The following TMEM87B variants were observed in gnomAD, a reference collection of about 807,000 sequenced individuals.
The protein encoded by TMEM87B is transmembrane protein 87B.
In TMEM87B, 83 loss-of-function variants were observed where a neutral mutation model predicts 80.3. That is an observed-to-expected ratio of 1.03 (90% confidence interval 0.87 to 1.24). The LOEUF (loss-of-function observed/expected upper bound fraction) is 1.24. Ranked by LOEUF, TMEM87B falls within the 50% of genes most tolerant of loss-of-function variation. TMEM87B has a pLI of 0.00. For synonymous variants in TMEM87B, 219 were observed against 230.5 expected, an observed-to-expected ratio of 0.95 and a Z score of 0.45; for missense variants, 625 against 674.4, an observed-to-expected ratio of 0.93 and a Z score of 0.81.
At chr2:112,066,099 T>C (rs1409089534) in intron 3 of TMEM87B, among the ~76,000 whole-genome samples, 1 of 152,256 alleles carries the variant, frequency 6.6e-6, no homozygotes, top group Non-Finnish European at 1.5e-5. Context: ...TGAAACTATG[T>C]AAATATGTTG....
Position 112,116,152 on chromosome 2 carries a change from C to G in TMEM87B, c.*9C>G, listed in dbSNP as rs540102464. The G allele has an allele frequency of 3.7e-6, 6 of 1,609,524 alleles. No individual in the cohort carries two copies. In the Admixed American group the frequency reaches 5.0e-5, roughly 13 times the overall value. ...CAGAAAAGATAATGTGATTGGAACC[C>G]GTATAAGAAATGTAGTTAAGCCTGA... On this transcript the variant is annotated 3_prime_UTR_variant, in exon 19 of 19. Transcript: ENST00000283206.
At chr2:112,100,003 T>TATA (rs1466489694) in intron 14 of TMEM87B, among the ~76,000 whole-genome samples, 1 of 152,234 alleles carries the variant, frequency 6.6e-6, no homozygotes, top group Non-Finnish European at 1.5e-5. Context: ...ATATAATTTA[T>TATA]ATAAGCAGTC....
At chr2:112,097,532 C>T (rs1679507073) in intron 13 of TMEM87B, among the ~76,000 whole-genome samples, 1 of 151,988 alleles carries the variant, frequency 6.6e-6, no homozygotes, top group African/African-American at 2.4e-5. Flanking sequence ...CGAGACCATC[C>T]TGGCTAACAC....
chr2:112,091,347 T>A (rs1679294661), intron 10 of TMEM87B, among the ~76,000 whole-genome samples: 1 of 152,200 alleles, frequency 6.6e-6, no homozygotes, highest in African/African-American at 2.4e-5. Context: ...ACTTTTTCTG[T>A]GTCCCTTCAC....
chr2:112,086,761 G>A (rs961836138), intron 9 of TMEM87B, among the ~76,000 whole-genome samples: 1 of 152,146 alleles, frequency 6.6e-6, no homozygotes, highest in African/African-American at 2.4e-5. Flanking sequence ...TGGCTTCACA[G>A]GTGTCGTCCT....
intron 3 of TMEM87B, among the ~76,000 whole-genome samples, chr2:112,066,355 G>A (rs1245087106): frequency 6.6e-6 from 1 of 152,142 alleles, no homozygotes; most frequent in African/African-American, 2.4e-5. Context: ...ATCTATTACT[G>A]TTTTTATATA....
chr2:112,110,835 C>T (rs761892467), intron 17 of TMEM87B, among the ~76,000 whole-genome samples: 2 of 152,010 alleles, frequency 1.3e-5, no homozygotes, highest in African/African-American at 4.8e-5. Flanking sequence ...AAACAATGAT[C>T]GTTCAAGGGT....
rs771237316 is a variant in TMEM87B, at chr2:112,097,123, T to G, written c.1184T>G (p.Phe395Cys). ...NTVKFSLYRH[F>C]KNTLIFAVLA... ...GTGAAATTTTCATTATATAGACATT[T>G]TAAAAATACTCTGATCTTTGCTGTG... The change falls in exon 12 of 19, where the codon TTT (phenylalanine) becomes TGT (cysteine). Residue 395 changes from phenylalanine to cysteine, a missense_variant. Physicochemically the swap from Phe to Cys is radical, Grantham distance 205. Coordinates refer to ENST00000283206, the MANE Select transcript of TMEM87B (RefSeq NM_032824.3). 6.2e-7 allele frequency: 1 copy of G among 1,609,232 alleles called. No individual in the cohort carries two copies. The highest frequency in any genetic ancestry group is 8.5e-7 in the Non-Finnish European group (1 of 1,178,406).
intron 4 of TMEM87B, among the ~76,000 whole-genome samples, chr2:112,070,207 T>C (rs1206750736): frequency 6.6e-6 from 1 of 152,226 alleles, no homozygotes; most frequent in Non-Finnish European, 1.5e-5. Context: ...TTTGCTTTTG[T>C]TGCAATTGCT....
chr2:112,081,920 A>C (rs959150527), intron 8 of TMEM87B, among the ~76,000 whole-genome samples: 7 of 152,148 alleles, frequency 4.6e-5, no homozygotes, highest in Admixed American at 2.0e-4. Flanking sequence ...AATTGGCCGC[A>C]GGGAGTAAAA....
intron 11 of TMEM87B, among the ~76,000 whole-genome samples, chr2:112,093,847 A>C (rs541659817): frequency 6.6e-6 from 1 of 152,188 alleles, no homozygotes; most frequent in Non-Finnish European, 1.5e-5. Context: ...TCCTGCCTTG[A>C]GAATGGGCAG....
rs375022070 is a variant in TMEM87B at position 112,105,869 on chromosome 2, T to C, written c.1451-133T>C. ...ACATTCCCAAATGGTAAATCCAGCA[T>C]CCTGCCTAAAGTTTCCATTATTAAC... On this transcript the variant is annotated intron_variant, in intron 15 of 18. Transcript: ENST00000283206. 36 of 562,750 alleles carry C rather than the reference T, an allele frequency of 6.4e-5. No homozygotes were observed. In the South Asian group the frequency reaches 7.0e-4, roughly 11 times the overall value. The allele number at this position is 562,750 out of a possible 1,614,324, so 34.9% of individuals were successfully genotyped here. A position where few individuals can be genotyped will look rare whatever the true frequency, so the allele number is the denominator to read the frequency against.
chr2:112,112,008 C>G (rs562432548), intron 17 of TMEM87B, among the ~76,000 whole-genome samples: 83 of 152,280 alleles, frequency 5.5e-4, no homozygotes, highest in African/African-American at 1.9e-3. Context: ...CGTCTTCTCC[C>G]CCATATTTTC....
At chr2:112,071,463 G>A (rs376342401) in intron 4 of TMEM87B, among the ~76,000 whole-genome samples, 14 of 152,074 alleles carry the variant, frequency 9.2e-5, no homozygotes, top group South Asian at 4.1e-4. Context: ...GACCATGCCC[G>A]GCTAATTTTT....
intron 14 of TMEM87B, among the ~76,000 whole-genome samples, chr2:112,100,386 T>G (rs1166031872): frequency 2.0e-5 from 3 of 152,224 alleles, no homozygotes; most frequent in African/African-American, 7.2e-5. Flanking sequence ...GCAAAATTGC[T>G]TTGCAGAAAG....
rs1023890882 is a variant in TMEM87B, at chr2:112,100,647, G to T, written c.1402G>T (p.Asp468Tyr). The part of the protein sequence containing the change: ...QRYAFMPLID[D>Y]SDDEIEEFMV... The stretch of plus-strand genomic sequence containing the variant: ...ATATGCCTTCATGCCCTTAATAGAT[G>T]ATTCTGATGATGAAATTGAGGAATT... The change falls in exon 15 of 19, where the codon GAT (aspartate) becomes TAT (tyrosine). Residue 468 changes from aspartate to tyrosine, a missense_variant. By Grantham distance (160) the Asp-to-Tyr change is radical. Transcript: ENST00000283206. The T allele has an allele frequency of 3.1e-6, 5 of 1,609,920 alleles. No individual in the cohort carries two copies. The Admixed American group carries it at 8.4e-5, about 27-fold the overall frequency.
intron 2 of TMEM87B, among the ~76,000 whole-genome samples, chr2:112,061,106 T>A (rs1678246288): frequency 6.6e-6 from 1 of 152,160 alleles, no homozygotes; most frequent in Admixed American, 6.5e-5. Context: ...TAATTAGAGT[T>A]TTAAGGTTGA....
Position 112,067,058 on chromosome 2 carries a change from C to T in TMEM87B, c.441C>T (p.Pro147=). 1 of 1,610,242 alleles carries T rather than the reference C, an allele frequency of 6.2e-7. No homozygotes were observed. The highest frequency in any genetic ancestry group is 8.5e-7 in the Non-Finnish European group (1 of 1,178,886). The part of the protein sequence containing the change: ...LDCNSDSQVF[P]SLNNKELINI... Reference sequence around the variant, plus strand: ...GCAACAGTGATTCACAGGTGTTTCCCTCTTTGAATGTGAGTATCTGACTTG... The same window carrying T: ...GCAACAGTGATTCACAGGTGTTTCCTTCTTTGAATGTGAGTATCTGACTTG... Residue 147 remains proline (P), a synonymous_variant, in exon 4 of 19, where the codon CCC becomes CCT. Transcript: ENST00000283206.
At chr2:112,101,075 A>G (rs1370062083) in intron 15 of TMEM87B, among the ~76,000 whole-genome samples, 2 of 152,188 alleles carry the variant, frequency 1.3e-5, no homozygotes, top group Admixed American at 6.5e-5. Context: ...TGCTGAAAGC[A>G]TTTCTACTTA....
Sources: gnomAD v4.1 joint callset for allele counts (sites outside exome capture counted in the v4.1 genomes callset) on GRCh38, gnomAD v4.1.1 for gene constraint, MANE v1.5 for transcripts, NCBI Gene and HGNC (gene_info 2026-07-23, HGNC 2026-07-21) for gene names.